Variants in BTBD8 observed in about 807,000 individuals in gnomAD.
The protein encoded by BTBD8 is BTB/POZ domain-containing protein 8.
Under a neutral mutation model 162.9 loss-of-function variants are expected in BTBD8, and 110 were observed. The observed-to-expected ratio is 0.68, with a 90% CI of 0.58 to 0.79. The LOEUF is 0.79. Ranked by LOEUF, BTBD8 falls within the 30% of genes least tolerant of loss-of-function variation. The pLI is 0.00. For missense variants in BTBD8, 1,905 were observed against 2,085.4 expected, an observed-to-expected ratio of 0.91 and a Z score of 1.68; for synonymous variants, 667 against 716.1, an observed-to-expected ratio of 0.93 and a Z score of 1.10.
At chr1:92,125,504 C>G (rs1649331918) in intron 4 of BTBD8, 1 of 313,314 alleles carries the variant, frequency 3.2e-6, no homozygotes, top group Admixed American at 3.9e-5. Context: ...AATTCACAAT[C>G]TGCAGGAAGC....
intron 17 of BTBD8, 24 bp from the exon 18 acceptor site, chr1:92,183,840 G>C (rs1650997177): frequency 6.7e-7 from 1 of 1,495,816 alleles, no homozygotes; most frequent in African/African-American, 1.5e-5. Flanking sequence ...TTTTTACATT[G>C]TGTAGTATTA....
At chr1:92,106,913 T>A (rs1215687158) in intron 3 of BTBD8, among the ~76,000 whole-genome samples, 1 of 151,554 alleles carries the variant, frequency 6.6e-6, no homozygotes, top group Non-Finnish European at 1.5e-5. Flanking sequence ...CCCGTCTATA[T>A]AAAACATAAA....
chr1:92,124,328 G>T (rs1649298050), intron 4 of BTBD8, among the ~76,000 whole-genome samples: 1 of 152,164 alleles, frequency 6.6e-6, no homozygotes, highest in Non-Finnish European at 1.5e-5. Flanking sequence ...CAGCAGGAGG[G>T]TTGATCTGAG....
intron 4 of BTBD8, among the ~76,000 whole-genome samples, chr1:92,118,902 C>CTGTGTGTG (rs146570106): frequency 4.9e-5 from 7 of 144,232 alleles, no homozygotes; most frequent in Non-Finnish European, 9.0e-5. Flanking sequence ...GTGTGTGTGT[C>CTGTGTGTG]TGTGTGTGTG....
At position 92,136,426 on chromosome 1, in the gene BTBD8, A is replaced by G. The variant is rs112111030; in HGVS notation, c.753-2924A>G. 5.5e-4 allele frequency among the ~76,000 whole-genome samples: 81 copies of G among 146,730 alleles called. 1 individual carries two copies. The highest frequency in any genetic ancestry group is 1.5e-3 in the South Asian group (7 of 4,694). On this transcript the variant is annotated intron_variant, in intron 5 of 17. Transcript: ENST00000636805. ...CTTGCCTTCCTCATTTTGTTTCTTT[A>G]GCAGATATTAGGTACTATGCTTAAC...
chr1:92,175,477 C>CAATAAAA (rs1650685535), intron 13 of BTBD8, among the ~76,000 whole-genome samples: 1 of 37,438 alleles, frequency 2.7e-5, no homozygotes, highest in Non-Finnish European at 4.7e-5. Flanking sequence ...GACTCCATCT[C>CAATAAAA]AAAAAAAAAA....
At chr1:92,085,624 G>A (rs1243498778) in intron 1 of BTBD8, among the ~76,000 whole-genome samples, 1 of 152,170 alleles carries the variant, frequency 6.6e-6, no homozygotes, top group Non-Finnish European at 1.5e-5. Context: ...CAGCTACTCA[G>A]GAGGCTGAGG....
intron 9 of BTBD8, among the ~76,000 whole-genome samples, chr1:92,164,404 A>G (rs1650337108): frequency 1.3e-5 from 2 of 152,032 alleles, no homozygotes; most frequent in Admixed American, 6.5e-5. Context: ...GATCACTTGA[A>G]GCCAGGAGTT....
intron 14 of BTBD8, 32 bp downstream of exon 14, chr1:92,177,578 C>T (rs1209398901): frequency 7.3e-7 from 1 of 1,367,760 alleles, no homozygotes; most frequent in African/African-American, 1.5e-5. Context: ...TTTAATATCT[C>T]CTGACAGTTA....
intron 11 of BTBD8, among the ~76,000 whole-genome samples, chr1:92,168,607 G>T (rs1650450002): frequency 6.6e-6 from 1 of 152,204 alleles, no homozygotes; most frequent in Admixed American, 6.5e-5. Flanking sequence ...TGAAAAGGCT[G>T]TGGAAGGTGT....
At chr1:92,111,034 G>A (rs1278246262) in intron 4 of BTBD8, among the ~76,000 whole-genome samples, 1 of 148,944 alleles carries the variant, frequency 6.7e-6, no homozygotes, top group Non-Finnish European at 1.5e-5. Context: ...CTCTTTTGCC[G>A]AGGCTGGAGT....
At chr1:92,115,072 G>C (rs1019009862) in intron 4 of BTBD8, 2 of 408,502 alleles carry the variant, frequency 4.9e-6, no homozygotes, top group Non-Finnish European at 9.4e-6. Context: ...GAGCAGGTCA[G>C]GTTCATGACT....
At chr1:92,128,445 A>T (rs1411764124) in intron 4 of BTBD8, among the ~76,000 whole-genome samples, 3 of 151,840 alleles carry the variant, frequency 2.0e-5, no homozygotes, top group Non-Finnish European at 2.9e-5. Flanking sequence ...CGCCCGGCTA[A>T]TTTTTTGTGT....
rs534035354 is a variant in BTBD8, at chr1:92,167,075, A to G, written c.1240A>G (p.Ile414Val). The G allele has an allele frequency of 9.0e-6, 14 of 1,550,588 alleles. No individual in the cohort carries two copies. The highest frequency in any genetic ancestry group is 3.9e-5 in the Admixed American group (2 of 51,004). Residue 414 changes from isoleucine to valine, a missense_variant, in exon 10 of 18, where the codon ATT becomes GTT. Ile to Val is a conservative substitution (Grantham distance 29). Around this residue, in one of 3 missense-constraint regions of BTBD8, gnomAD observed 1,374 missense variants for 1,442.7 expected, o/e 0.95. Transcript: ENST00000636805. ...GGCGTCTCAGCTTCAAGAAAAATGT[A>G]TTGCATTTATTGTAGACAACTTCTC... ...TMASQLQEKCIAFIVDNFSKI... is the reference protein window; with the variant it reads ...TMASQLQEKCVAFIVDNFSKI...
intron 5 of BTBD8, among the ~76,000 whole-genome samples, chr1:92,136,973 A>G (rs915962946): frequency 1.3e-5 from 2 of 152,230 alleles, no homozygotes; most frequent in Admixed American, 1.3e-4. Flanking sequence ...ACATTAGGAA[A>G]CAATCAGGGA....
At position 92,142,180 on chromosome 1, in the gene BTBD8, C is replaced by T. The variant is rs375988328; in HGVS notation, c.930+969C>T. ...CACTTCAGCCTCTGTAAATAAGGGC[C>T]TTGGAAGAAGGAGGGCAGCTGGTGG... On this transcript the variant is annotated intron_variant, in intron 7 of 17. Coordinates refer to ENST00000636805, the MANE Select transcript of BTBD8 (RefSeq NM_001376131.1). 6.0e-4 allele frequency among the ~76,000 whole-genome samples: 92 copies of T among 152,296 alleles called. 1 individual carries two copies. The highest frequency in any genetic ancestry group is 2.7e-3 in the South Asian group (13 of 4,826).
At chr1:92,144,590 T>C (rs1435202515) in intron 7 of BTBD8, among the ~76,000 whole-genome samples, 1 of 151,850 alleles carries the variant, frequency 6.6e-6, no homozygotes, top group Non-Finnish European at 1.5e-5. Flanking sequence ...GGAGGATTGC[T>C]TGAGCCCAAG....
intron 9 of BTBD8, among the ~76,000 whole-genome samples, chr1:92,166,500 C>T (rs1176850432): frequency 6.8e-6 from 1 of 147,386 alleles, no homozygotes; most frequent in Admixed American, 6.9e-5. Context: ...TCTCAGCTCA[C>T]TGCAACCTCC....
rs374261563 is a variant in BTBD8, at chr1:92,181,274, A to G, written c.3591A>G (p.Val1197=). ...EDKHATADSD[V]SSKCFSGQLS... ...AACATGCTACAGCAGACTCAGATGT[A>G]TCTTCCAAGTGTTTTTCGGGACAGC... is the stretch of plus-strand genomic sequence containing the variant. The change falls in exon 17 of 18, where the codon GTA becomes GTG. Residue 1197 remains valine (V), a synonymous_variant. Transcript: ENST00000636805. 1.3e-6 allele frequency: 2 copies of G among 1,551,602 alleles called. No homozygotes were observed. The highest frequency in any genetic ancestry group is 2.0e-5 in the Admixed American group (1 of 50,968).
Sources: allele counts gnomAD v4.1 joint callset (sites outside exome capture counted in the v4.1 genomes callset), GRCh38; gene constraint gnomAD v4.1.1; regional missense constraint gnomAD v4.1.1; transcripts MANE v1.5; gene names NCBI Gene and HGNC (gene_info 2026-07-23, HGNC 2026-07-21).